RILPL1: variants seen among roughly 807,000 people sequenced by gnomAD.
RILPL1 encodes Rab interacting lysosomal protein like 1, also known as RILP-like protein 1.
A neutral mutation model predicts 50.3 loss-of-function variants in RILPL1; 33 were observed. That is an observed-to-expected ratio of 0.66 (90% CI 0.50 to 0.88). RILPL1 has a LOEUF of 0.88. RILPL1 is among the 40% of genes least tolerant of loss of function. The pLI is 0.00. For synonymous variants in RILPL1, 205 were observed against 228.6 expected (o/e 0.90, Z 0.93); for missense variants, 418 against 542.5 (o/e 0.77, Z 2.28).
At chr12:123,528,792 T>C (rs1317727658) in intron 1 of RILPL1, among the ~76,000 whole-genome samples, 1 of 152,088 alleles carries the variant, frequency 6.6e-6, no homozygotes, top group African/African-American at 2.4e-5. Context: ...AATTCTTTTT[T>C]TTTCTTCTCT....
At chr12:123,529,783 AG>A (rs1396915952) in intron 1 of RILPL1, among the ~76,000 whole-genome samples, 2 of 150,256 alleles carry the variant, frequency 1.3e-5, no homozygotes, top group Non-Finnish European at 3.0e-5. Flanking sequence ...CTGAGGCAGG[AG>A]GATCACTTGA....
intron 2 of RILPL1, among the ~76,000 whole-genome samples, chr12:123,510,967 CTGTG>C (rs1203848859): frequency 1.9e-4 from 19 of 97,908 alleles, no homozygotes; most frequent in African/African-American, 2.7e-4. Flanking sequence ...TGTGTGAGGT[CTGTG>C]TGTGTGTGGT....
chr12:123,504,934 C>T (rs1214706715), intron 2 of RILPL1, among the ~76,000 whole-genome samples: 1 of 152,210 alleles, frequency 6.6e-6, no homozygotes, highest in Admixed American at 6.5e-5. Flanking sequence ...ACGGGGCAGA[C>T]TCTAGTCCCC....
chr12:123,515,443 G>GT (rs534712764), intron 2 of RILPL1: 202 of 145,542 alleles, frequency 1.4e-3, no homozygotes, highest in Middle Eastern at 3.6e-3. Flanking sequence ...ATACTACAGT[G>GT]TTTTTTTTTT....
At position 123,484,979 on chromosome 12, in the gene RILPL1, A is replaced by G. The variant is rs1256879474; in HGVS notation, c.974+654T>C. The G allele has an allele frequency of 1.7e-5, 6 of 355,954 alleles. No homozygotes were observed. In the East Asian group the frequency reaches 4.4e-4, roughly 26 times the overall value. 22.0% of individuals were successfully genotyped at this position (355,954 alleles called of 1,614,324 possible). A position where few individuals can be genotyped will look rare whatever the true frequency, so the allele number is the denominator to read the frequency against. On this transcript the variant is annotated intron_variant, in intron 5 of 6. Coordinates refer to ENST00000376874, the MANE Select transcript of RILPL1 (RefSeq NM_178314.5). ...CGGCCTCTCCCATCTTTGAACATCC[A>G]GTATACAGTCAGTAAACCTTTCAAT...
rs1373581620 is a variant in RILPL1 at position 123,489,003 on chromosome 12, C to T, written c.802-3198G>A. Among the ~76,000 whole-genome samples the T allele has an allele frequency of 1.3e-5, 2 of 152,214 alleles. No individual in the cohort carries two copies. The highest frequency in any genetic ancestry group is 6.5e-5 in the Admixed American group (1 of 15,270). The stretch of plus-strand genomic sequence containing the variant: ...GCTCCGGAACCACCCGGCAGCCACA[C>T]ACTCCATGTCTCCACCCAAGACCAC... On this transcript the variant is annotated intron_variant, in intron 4 of 6. Transcript: ENST00000376874. The surrounding 1 kb of genome is among the most constrained non-coding windows in gnomAD (Gnocchi z 4.0).
chr12:123,515,009 C>T (rs1391866885), intron 2 of RILPL1, among the ~76,000 whole-genome samples: 1 of 151,720 alleles, frequency 6.6e-6, no homozygotes, highest in East Asian at 1.9e-4. Context: ...AGGCTCACTG[C>T]AGCCTTGACC....
At chr12:123,478,821 C>A (rs913759331) in intron 6 of RILPL1, among the ~76,000 whole-genome samples, 2 of 152,178 alleles carry the variant, frequency 1.3e-5, no homozygotes, top group African/African-American at 2.4e-5. Context: ...ACAGGGACCA[C>A]GCAAAAGGGG....
chr12:123,503,354 C>T, intron 2 of RILPL1, among the ~76,000 whole-genome samples: 1 of 151,878 alleles, frequency 6.6e-6, no homozygotes, highest in South Asian at 2.1e-4. Flanking sequence ...GCACCTGCCA[C>T]AACCTGGCTA....
At position 123,485,830 on chromosome 12, in the gene RILPL1, A is replaced by G; in HGVS notation, c.802-25T>C. The G allele has an allele frequency of 6.3e-7, 1 of 1,581,428 alleles. No homozygotes were observed. The highest frequency in any genetic ancestry group is 8.6e-7 in the Non-Finnish European group (1 of 1,165,738). ...TCTGGAGGAGGCAGAGATGCTGCTA[A>G]TGAATTCTTGGCAGCCACTGCCAGC... On this transcript the variant is annotated intron_variant, in intron 4 of 6. Coordinates refer to ENST00000376874, the MANE Select transcript of RILPL1 (RefSeq NM_178314.5). The surrounding 1 kb of genome is among the most constrained non-coding windows in gnomAD (Gnocchi z 4.0).
At chr12:123,481,320 C>T (rs1305188321) in intron 6 of RILPL1, among the ~76,000 whole-genome samples, 1 of 150,406 alleles carries the variant, frequency 6.6e-6, no homozygotes, top group Non-Finnish European at 1.5e-5. Context: ...GATTGTGCCA[C>T]TGCACTCCAG....
At chr12:123,530,915 C>T (rs1885420187) in intron 1 of RILPL1, among the ~76,000 whole-genome samples, 1 of 151,918 alleles carries the variant, frequency 6.6e-6, no homozygotes, top group African/African-American at 2.4e-5. Flanking sequence ...GTGAGTGGGT[C>T]TACTGAGAGG....
intron 2 of RILPL1, among the ~76,000 whole-genome samples, chr12:123,508,806 C>A (rs927225254): frequency 6.6e-6 from 1 of 152,028 alleles, no homozygotes; most frequent in Admixed American, 6.6e-5. Context: ...GAATTACAGG[C>A]TGCAGCGAGC....
At chr12:123,511,133 TGTGTGTGTG>T (rs1221835182) in intron 2 of RILPL1, among the ~76,000 whole-genome samples, 1 of 141,440 alleles carries the variant, frequency 7.1e-6, no homozygotes, top group Non-Finnish European at 1.5e-5. Context: ...GAGGTCTATG[TGTGTGTGTG>T]GTGTGTGTGA....
chr12:123,528,698 T>C (rs936993129), intron 1 of RILPL1, among the ~76,000 whole-genome samples: 2 of 152,116 alleles, frequency 1.3e-5, no homozygotes, highest in Non-Finnish European at 2.9e-5. Flanking sequence ...AGTGCTGGGA[T>C]TACAGGCTTG....
intron 1 of RILPL1, among the ~76,000 whole-genome samples, chr12:123,525,074 G>A (rs1885202903): frequency 6.6e-6 from 1 of 152,178 alleles, no homozygotes; most frequent in South Asian, 2.1e-4. Context: ...GGAGTTTGCA[G>A]TGAGTCAAGA....
At chr12:123,473,539 A>G (rs1401341680) in intron 6 of RILPL1, 4 of 152,094 alleles carry the variant, frequency 2.6e-5, no homozygotes, top group Non-Finnish European at 5.9e-5. Flanking sequence ...ATATATATAT[A>G]TAAGTAAAAC....
At chr12:123,482,510 A>C (rs902492358) in intron 6 of RILPL1, among the ~76,000 whole-genome samples, 4 of 152,078 alleles carry the variant, frequency 2.6e-5, no homozygotes, top group African/African-American at 9.7e-5. Context: ...CCTGGCCTCA[A>C]GTGATCCTTC....
intron 5 of RILPL1, 33 bp from the exon 6 acceptor site, chr12:123,484,305 G>T: frequency 7.1e-7 from 1 of 1,400,094 alleles, no homozygotes; most frequent in Non-Finnish European, 1.0e-6. Context: ...AGATAAAAGA[G>T]TCAAAAGTTC....
Sources: gnomAD v4.1 joint callset for allele counts (sites outside exome capture counted in the v4.1 genomes callset) on GRCh38, gnomAD v4.1.1 for gene constraint, Gnocchi (gnomAD v3.1) non-coding constraint, MANE v1.5 for transcripts, NCBI Gene and HGNC (gene_info 2026-07-23, HGNC 2026-07-21) for gene names.